The following ANKRD26 variants were observed in gnomAD, a reference collection of about 807,000 sequenced individuals.
ANKRD26 encodes ankyrin repeat domain 26.
A neutral mutation model predicts 208.7 loss-of-function variants in ANKRD26; 141 were observed. The observed-to-expected ratio is 0.68, with a 90% CI of 0.59 to 0.78. The LOEUF (loss-of-function observed/expected upper bound fraction) is 0.78. ANKRD26 is among the 30% of genes least tolerant of loss of function. ANKRD26 has a pLI of 0.00. For missense variants in ANKRD26, 1,889 were observed against 1,938.7 expected (o/e 0.97, Z 0.48); for synonymous variants, 636 against 660.4 (o/e 0.96, Z 0.57).
At chr10:27,024,008 A>ACACACACACACACACAC (rs1564364148) in intron 28 of ANKRD26, among the ~76,000 whole-genome samples, 29 of 151,688 alleles carry the variant, frequency 1.9e-4, no homozygotes, top group East Asian at 3.9e-4. Context: ...ACACACACAC[A>ACACACACACACACACAC]AAGAGGCAGA....
At chr10:27,042,658 CAGG>C (rs2135274519) in intron 20 of ANKRD26, among the ~76,000 whole-genome samples, 1 of 152,070 alleles carries the variant, frequency 6.6e-6, no homozygotes, top group Non-Finnish European at 1.5e-5. Flanking sequence ...GAGGCTGAGG[CAGG>C]AGAATAGCGT....
At chr10:27,024,599 G>T in intron 27 of ANKRD26, 40 bp from the exon 28 acceptor site, 1 of 1,165,574 alleles carries the variant, frequency 8.6e-7, no homozygotes, top group Non-Finnish European at 1.3e-6. Flanking sequence ...TAAAACTCTG[G>T]AAACACTTTT....
chr10:27,047,716 C>CTAATAA (rs2054500269), intron 17 of ANKRD26, among the ~76,000 whole-genome samples: 2 of 97,040 alleles, frequency 2.1e-5, no homozygotes, highest in African/African-American at 6.1e-5. Flanking sequence ...ACTACTACTA[C>CTAATAA]TACTACTAAT....
At chr10:27,090,825 G>A (rs2056275937) in intron 4 of ANKRD26, among the ~76,000 whole-genome samples, 2 of 152,206 alleles carry the variant, frequency 1.3e-5, no homozygotes, top group African/African-American at 4.8e-5. Context: ...GCCAGGTGCA[G>A]CAGCTCATGC....
downstream of ANKRD26, among the ~76,000 whole-genome samples, chr10:26,972,060 C>G (rs560055119): frequency 1.4e-3 from 215 of 151,974 alleles, 1 homozygote; most frequent in Admixed American, 5.2e-3. Flanking sequence ...ACGGTGAAAC[C>G]CCGTCTCTAC....
At chr10:26,974,262 A>G (rs1032769570) in exon 6 of ANKRD26, among the ~76,000 whole-genome samples, 7 of 151,620 alleles carry the variant, frequency 4.6e-5, no homozygotes, top group African/African-American at 1.7e-4. Context: ...ATTTTTTACA[A>G]TGTTCTTTTA....
Position 27,028,924 on chromosome 10 carries a change from C to T in ANKRD26, c.3900G>A (p.Lys1300=). ...HKQKLEKDNA[K]LKVTVKKQMD... ...TTTGCTTTTTGACTGTAACTTTTAA[C>T]TTGGCATTATCTTTTTCAAGCCTGA... Residue 1300 remains lysine (K), a synonymous_variant, in exon 27 of 34, where the codon AAG becomes AAA. Coordinates refer to ENST00000376087, the MANE Select transcript of ANKRD26 (RefSeq NM_014915.3). 1 of 1,612,280 alleles carries T rather than the reference C, an allele frequency of 6.2e-7. No individual in the cohort carries two copies. The highest frequency in any genetic ancestry group is 8.5e-7 in the Non-Finnish European group (1 of 1,179,006).
chr10:27,100,193 C>A lies in ANKRD26; in HGVS notation c.134G>T (p.Arg45Leu). ...AGCTTTGTGGATCTTGCCGAGATCT[C>A]GGTCTCGGACGTGGTAGCCGGGCTG... ...YSQPGYHVRD[R>L]DLGKIHKAAS... Residue 45 changes from arginine (R) to leucine (L), a missense_variant, in exon 1 of 34, where the codon CGA becomes CTA. Transcript: ENST00000376087. 1 of 1,613,852 alleles carries A rather than the reference C, an allele frequency of 6.2e-7. No homozygotes were observed. The highest frequency in any genetic ancestry group is 8.5e-7 in the Non-Finnish European group (1 of 1,179,952).
chr10:27,037,707 G>A (rs2054089786), intron 22 of ANKRD26, among the ~76,000 whole-genome samples, 164 bp downstream of exon 22: 1 of 152,032 alleles, frequency 6.6e-6, no homozygotes, highest in South Asian at 2.1e-4. Context: ...GCATCTATTA[G>A]GTGCCAAGAT....
At chr10:27,038,650 CAA>C (rs370980054) in intron 21 of ANKRD26, among the ~76,000 whole-genome samples, 7 of 103,070 alleles carry the variant, frequency 6.8e-5, no homozygotes, top group African/African-American at 1.5e-4. Flanking sequence ...GATTCCATCT[CAA>C]AAAAAAAAAA....
intron 3 of ANKRD26, among the ~76,000 whole-genome samples, chr10:26,985,678 T>C (rs116310101): frequency 2.2e-3 from 336 of 152,298 alleles, no homozygotes; most frequent in African/African-American, 7.7e-3. Flanking sequence ...TTTGAATGAC[T>C]TCTAACAGCT....
At chr10:26,990,479 C>G (rs961419448), downstream of ANKRD26, among the ~76,000 whole-genome samples, 1 of 152,138 alleles carries the variant, frequency 6.6e-6, no homozygotes, top group South Asian at 2.1e-4. Context: ...CCAGTTTGGT[C>G]CACCCATATC....
chr10:26,953,284 G>A, the ANKRD26 span, among the ~76,000 whole-genome samples: 15 of 152,210 alleles, frequency 9.9e-5, no homozygotes, highest in African/African-American at 2.2e-4. Flanking sequence ...TTAGCCAGGC[G>A]TGGTGGTGTG....
chr10:26,952,211 G>A, the ANKRD26 span, among the ~76,000 whole-genome samples: 1 of 129,266 alleles, frequency 7.7e-6, no homozygotes, highest in African/African-American at 2.8e-5. Context: ...TTCCCCCATT[G>A]ACGCTGCCTC....
At chr10:26,976,669 AT>A (rs953121891) in intron 5 of ANKRD26, among the ~76,000 whole-genome samples, 54 of 149,502 alleles carry the variant, frequency 3.6e-4, no homozygotes, top group African/African-American at 1.2e-3. Flanking sequence ...TAGCACTTCA[AT>A]TTTTTTTTTA....
intron 15 of ANKRD26, among the ~76,000 whole-genome samples, chr10:27,058,526 C>T (rs2054922896): frequency 6.6e-6 from 1 of 151,926 alleles, no homozygotes; most frequent in Admixed American, 6.6e-5. Context: ...ACTTAAAAAT[C>T]ACTTTTCTCC....
At chr10:26,959,815 T>G in the ANKRD26 span, among the ~76,000 whole-genome samples, 1 of 152,198 alleles carries the variant, frequency 6.6e-6, no homozygotes, top group South Asian at 2.1e-4. Context: ...TGACAAACGT[T>G]TGTGGACAAA....
intron 9 of ANKRD26, among the ~76,000 whole-genome samples, chr10:27,072,436 T>C (rs996559954): frequency 3.3e-5 from 5 of 152,180 alleles, no homozygotes; most frequent in Admixed American, 2.6e-4. Flanking sequence ...TGCACCCACA[T>C]GTGGGGAGCC....
intron 9 of ANKRD26, among the ~76,000 whole-genome samples, chr10:27,068,282 A>G (rs6415983): frequency 0.84 from 127,073 of 152,180 alleles, 53,312 homozygotes; most frequent in East Asian, 0.99. Context: ...AGTTCCTCAT[A>G]CATTAATTCA....
Sources: gnomAD v4.1 joint callset for allele counts (sites outside exome capture counted in the v4.1 genomes callset) on GRCh38, gnomAD v4.1.1 for gene constraint, MANE v1.5 for transcripts, NCBI Gene and HGNC (gene_info 2026-07-23, HGNC 2026-07-21) for gene names.